CGGBP1: variants seen among roughly 807,000 people sequenced by gnomAD.
CGGBP1 encodes the protein CGG triplet repeat-binding protein 1.
Under a neutral mutation model 11.4 loss-of-function variants are expected in CGGBP1, and 4 were observed. The ratio of observed to expected loss-of-function variants is 0.35; its 90% CI spans 0.17 to 0.80. The LOEUF is 0.80. CGGBP1 is among the 30% of genes least tolerant of loss of function. The probability of loss-of-function intolerance (pLI) is 0.52; values close to 1 mark genes in which losing one functional copy is unlikely to be tolerated. For synonymous variants in CGGBP1, 76 were observed against 74.1 expected, an observed-to-expected ratio of 1.03 and a Z score of -0.13; for missense variants, 135 against 202.1, an observed-to-expected ratio of 0.67 and a Z score of 2.01.
At chr3:88,131,806 T>C (rs1483408135) in intron 2 of CGGBP1, among the ~76,000 whole-genome samples, 1 of 152,160 alleles carries the variant, frequency 6.6e-6, no homozygotes, top group Admixed American at 6.6e-5. Flanking sequence ...TTTCTTCCTA[T>C]TAAAAGTTAA....
chr3:88,058,403 G>C (rs1559679864), intron 1 of CGGBP1, among the ~76,000 whole-genome samples, 180 bp from the exon 2 acceptor site: 2 of 152,116 alleles, frequency 1.3e-5, no homozygotes, highest in Admixed American at 6.5e-5. Context: ...GTCCTCCTCG[G>C]TGGTCCGCCC....
intron 2 of CGGBP1, among the ~76,000 whole-genome samples, chr3:88,084,487 C>T (rs1326006593): frequency 6.6e-6 from 1 of 152,004 alleles, no homozygotes; most frequent in Non-Finnish European, 1.5e-5. Flanking sequence ...TAGTGATGAC[C>T]GCATAGTTAG....
intron 2 of CGGBP1, among the ~76,000 whole-genome samples, chr3:88,116,557 T>TACACACACACACACAC (rs745598873): frequency 1.2e-4 from 3 of 25,506 alleles, no homozygotes; most frequent in African/African-American, 2.8e-4. Context: ...TACATACATA[T>TACACACACACACACAC]ATATACACAC....
intron 2 of CGGBP1, among the ~76,000 whole-genome samples, chr3:88,068,663 A>G (rs1010240806): frequency 2.0e-5 from 3 of 152,182 alleles, no homozygotes; most frequent in Admixed American, 6.5e-5. Flanking sequence ...ATATATGTAT[A>G]TAACTCATTT....
In CGGBP1 at chr3:88,056,018, C is replaced by CA. The variant is rs764053592; in HGVS notation, c.-23-20dup. On this transcript the variant is annotated intron_variant, in intron 3 of 3. Coordinates refer to ENST00000482016, the MANE Select transcript of CGGBP1 (RefSeq NM_001008390.2). Reference sequence around the variant, plus strand: ...TATGGTTCTTTCAAGACAAAAGAAACAAAGATGAGTATTATAACAACAGTT... The same window carrying CA: ...TATGGTTCTTTCAAGACAAAAGAAACAAAAGATGAGTATTATAACAACAGTT... 7.2e-6 allele frequency: 11 copies of CA among 1,527,940 alleles called. No individual in the cohort carries two copies. The highest frequency in any genetic ancestry group is 8.9e-6 in the Non-Finnish European group (10 of 1,129,394). 94.6% of individuals were successfully genotyped at this position (1,527,940 alleles called of 1,614,324 possible). A position where few individuals can be genotyped will look rare whatever the true frequency, so the allele number is the denominator to read the frequency against.
chr3:88,060,221 AC>A (rs1044602092), upstream of CGGBP1, among the ~76,000 whole-genome samples: 1 of 151,616 alleles, frequency 6.6e-6, no homozygotes, highest in African/African-American at 2.4e-5. Context: ...AACATCACCA[AC>A]CCCCCTCATC....
At chr3:88,128,573 C>T (rs1226437782) in intron 2 of CGGBP1, among the ~76,000 whole-genome samples, 2 of 151,884 alleles carry the variant, frequency 1.3e-5, no homozygotes, top group East Asian at 3.9e-4. Context: ...CTGTTATTTA[C>T]TTTTTAGACT....
rs996788615 is a variant in CGGBP1 at position 88,052,043 on chromosome 3, A to G, written c.*3430T>C. On this transcript the variant is annotated 3_prime_UTR_variant, in exon 4 of 4. Coordinates refer to ENST00000482016, the MANE Select transcript of CGGBP1 (RefSeq NM_001008390.2). ...AACAATTTTTCTGAAATTTATTTCT[A>G]AAAGTCAGAGACAAAACTTTAGAAG... 6.5e-6 allele frequency: 1 copy of G among 152,678 alleles called. No individual in the cohort carries two copies. Among genetic ancestry groups the G allele is most frequent in the Non-Finnish European group, 1.5e-5 (1 of 68,038 alleles). The allele number at this position is 152,678 out of a possible 1,614,324, so 9.5% of individuals were successfully genotyped here. A position where few individuals can be genotyped will look rare whatever the true frequency, so the allele number is the denominator to read the frequency against.
upstream of CGGBP1, chr3:88,059,260 AG>A: frequency 6.5e-7 from 1 of 1,531,232 alleles, no homozygotes; most frequent in South Asian, 1.2e-5. Flanking sequence ...AGGTTAGCCT[AG>A]GCATCTACGG....
chr3:88,074,810 C>T (rs1045815243), intron 2 of CGGBP1, among the ~76,000 whole-genome samples: 1 of 152,124 alleles, frequency 6.6e-6, no homozygotes. Context: ...ATCAGAAGGA[C>T]GATGGATGCA....
intron 1 of CGGBP1, among the ~76,000 whole-genome samples, chr3:88,147,850 C>T (rs1344047696): frequency 6.6e-6 from 1 of 152,186 alleles, no homozygotes; most frequent in East Asian, 1.9e-4. Flanking sequence ...GTGCTACTGG[C>T]ACCCAGTGGG....
chr3:88,139,796 T>G lies in CGGBP1; in HGVS notation c.-229+1174A>C, dbSNP rs568647405. The stretch of plus-strand genomic sequence containing the variant: ...AGGAGGAAGAGGATGAAGAAGGTGA[T>G]TATGAAGAAGATGATTATGACCTGA... On this transcript the variant is annotated intron_variant, in intron 2 of 3. Transcript: ENST00000462901. 5.8e-6 allele frequency: 9 copies of G among 1,556,308 alleles called. No individual in the cohort carries two copies. The Admixed American group carries it at 1.8e-4, about 30-fold the overall frequency.
chr3:88,059,051 C>A, upstream of CGGBP1: 1 of 588,030 alleles, frequency 1.7e-6, no homozygotes, highest in Non-Finnish European at 2.8e-6. Flanking sequence ...GCAGCATTGA[C>A]CAACAGACGG....
At chr3:88,099,159 G>A (rs1449223958) in intron 2 of CGGBP1, among the ~76,000 whole-genome samples, 1 of 152,128 alleles carries the variant, frequency 6.6e-6, no homozygotes, top group Non-Finnish European at 1.5e-5. Context: ...AAATCAATGT[G>A]CAAAAATCAC....
chr3:88,096,008 A>C (rs1475948033), intron 2 of CGGBP1: 2 of 205,566 alleles, frequency 9.7e-6, no homozygotes, highest in Non-Finnish European at 1.9e-5. Flanking sequence ...AGGCCACTGC[A>C]TCCCAGATAC....
intron 2 of CGGBP1, among the ~76,000 whole-genome samples, chr3:88,132,406 T>C (rs537964478): frequency 1.3e-5 from 2 of 152,274 alleles, no homozygotes; most frequent in East Asian, 1.9e-4. Flanking sequence ...AATGCACACA[T>C]TGAATAAAGG....
At position 88,053,430 on chromosome 3, in the gene CGGBP1, T is replaced by C. The variant is rs1207079628; in HGVS notation, c.*2043A>G. On this transcript the variant is annotated 3_prime_UTR_variant, in exon 4 of 4. Transcript: ENST00000482016. ...TTAATTAGGAGTCTGAAAAAATACATTAAGATATATAAAATTTAAGTGATT... is the reference window on the plus strand; with the variant it reads ...TTAATTAGGAGTCTGAAAAAATACACTAAGATATATAAAATTTAAGTGATT... 2 of 152,074 alleles carry C rather than the reference T, an allele frequency of 1.3e-5. 1 individual carries two copies. The highest frequency in any genetic ancestry group is 4.8e-5 in the African/African-American group (2 of 41,434). 9.4% of individuals were successfully genotyped at this position (152,074 alleles called of 1,614,324 possible). A position where few individuals can be genotyped will look rare whatever the true frequency, so the allele number is the denominator to read the frequency against.
intron 2 of CGGBP1, among the ~76,000 whole-genome samples, chr3:88,090,409 A>T (rs978833812): frequency 6.6e-6 from 1 of 152,152 alleles, no homozygotes; most frequent in African/African-American, 2.4e-5. Flanking sequence ...AAAAATTTTT[A>T]AAAATGGAAA....
intron 2 of CGGBP1, among the ~76,000 whole-genome samples, chr3:88,088,898 G>A (rs1708487759): frequency 6.6e-6 from 1 of 151,336 alleles, no homozygotes; most frequent in African/African-American, 2.4e-5. Context: ...TCAGCCTCCC[G>A]AGTAGCTGGG....
Sources: allele counts gnomAD v4.1 joint callset (sites outside exome capture counted in the v4.1 genomes callset), GRCh38; gene constraint gnomAD v4.1.1; transcripts MANE v1.5; gene names NCBI Gene and HGNC (gene_info 2026-07-23, HGNC 2026-07-21).